Variants in DSCAM observed in about 807,000 individuals in gnomAD.
DSCAM encodes the protein cell adhesion molecule DSCAM.
DSCAM carries 47 observed loss-of-function variants against 217.7 expected under a neutral mutation model. That is an observed-to-expected ratio of 0.22 (90% CI 0.17 to 0.28). DSCAM has a LOEUF of 0.28. DSCAM is among the 10% of genes least tolerant of loss of function. The pLI is 1.00. For synonymous variants in DSCAM, 1,056 were observed against 1,015.3 expected (o/e 1.04, Z -0.76); for missense variants, 2,080 against 2,618.3 (o/e 0.79, Z 4.49).
At chr21:40,130,025 T>A (rs879407103) in intron 19 of DSCAM, among the ~76,000 whole-genome samples, 1 of 152,222 alleles carries the variant, frequency 6.6e-6, no homozygotes, top group Non-Finnish European at 1.5e-5. Flanking sequence ...CTGCTGGCCC[T>A]CTCACATGTA....
At chr21:40,118,383 T>C (rs59480585) in intron 20 of DSCAM, among the ~76,000 whole-genome samples, 34,832 of 152,002 alleles carry the variant, frequency 0.23, 4,247 homozygotes, top group East Asian at 0.4. Context: ...GTCAGAAGTT[T>C]GAGAGCAGCC....
At chr21:40,152,058 C>T (rs986477926) in intron 16 of DSCAM, among the ~76,000 whole-genome samples, 2 of 151,802 alleles carry the variant, frequency 1.3e-5, no homozygotes, top group African/African-American at 4.8e-5. Context: ...GCAAATCTCA[C>T]CTGGTAACCA....
chr21:40,126,304 G>A (rs2146674204), intron 19 of DSCAM, among the ~76,000 whole-genome samples: 1 of 150,834 alleles, frequency 6.6e-6, no homozygotes, highest in East Asian at 1.9e-4. Context: ...AAGGAAGAAG[G>A]GAAGACAAAA....
At chr21:40,749,707 G>T (rs2091208575) in intron 1 of DSCAM, among the ~76,000 whole-genome samples, 1 of 152,168 alleles carries the variant, frequency 6.6e-6, no homozygotes, top group South Asian at 2.1e-4. Context: ...ATATGAGCCA[G>T]CAGTCCCATT....
intron 11 of DSCAM, among the ~76,000 whole-genome samples, chr21:40,222,588 A>T (rs905216751): frequency 6.6e-6 from 1 of 152,252 alleles, no homozygotes; most frequent in Non-Finnish European, 1.5e-5. Flanking sequence ...ACATCACAGT[A>T]GATTGAATGC....
At chr21:40,414,118 T>TA (rs964957229) in intron 3 of DSCAM, among the ~76,000 whole-genome samples, 2 of 152,044 alleles carry the variant, frequency 1.3e-5, no homozygotes, top group African/African-American at 4.8e-5. Flanking sequence ...AAAGAAAAAA[T>TA]ATTTATAAAA....
chr21:40,229,757 G>A (rs1348468814), intron 11 of DSCAM, among the ~76,000 whole-genome samples: 1 of 152,218 alleles, frequency 6.6e-6, no homozygotes, highest in Non-Finnish European at 1.5e-5. Flanking sequence ...TTGAAGCACA[G>A]CTTGATTGGT....
chr21:40,600,241 A>G (rs1184815787), intron 3 of DSCAM, among the ~76,000 whole-genome samples: 2 of 152,240 alleles, frequency 1.3e-5, no homozygotes, highest in African/African-American at 2.4e-5. Flanking sequence ...TGGGTAATTT[A>G]TGAACAACTG....
chr21:40,585,814 G>A (rs144746617), intron 3 of DSCAM, among the ~76,000 whole-genome samples: 2 of 152,202 alleles, frequency 1.3e-5, no homozygotes, highest in East Asian at 3.9e-4. Flanking sequence ...GCCCCTGAGA[G>A]TTGGTTGTTA....
chr21:40,334,788 C>A (rs1041146619), intron 8 of DSCAM, among the ~76,000 whole-genome samples: 3 of 152,138 alleles, frequency 2.0e-5, no homozygotes, highest in Non-Finnish European at 4.4e-5. Flanking sequence ...TCTGGGACTA[C>A]GGGCTCGTCC....
At chr21:40,664,253 C>T (rs1343520215) in intron 3 of DSCAM, among the ~76,000 whole-genome samples, 1 of 152,168 alleles carries the variant, frequency 6.6e-6, no homozygotes, top group Non-Finnish European at 1.5e-5. Context: ...TCTGTATTGG[C>T]ATGGAAGGAG....
chr21:40,483,201 C>T (rs746789272), intron 3 of DSCAM, among the ~76,000 whole-genome samples: 1 of 152,218 alleles, frequency 6.6e-6, no homozygotes, highest in Non-Finnish European at 1.5e-5. Flanking sequence ...ACAAACTCCT[C>T]ATGATCTTGC....
chr21:40,217,484 G>A lies in DSCAM; in HGVS notation c.2357-28246C>T, dbSNP rs564768552. Among the ~76,000 whole-genome samples the A allele has an allele frequency of 3.3e-5, 5 of 152,134 alleles. No homozygotes were observed. In the East Asian group the frequency reaches 9.7e-4, roughly 29 times the overall value. ...ACATAGGTAAACTTGTGTTATGGGG[G>A]TTTGTTGTATAGATTATTTCACTGC... is the stretch of plus-strand genomic sequence containing the variant. On this transcript the variant is annotated intron_variant, in intron 11 of 32. Coordinates refer to ENST00000400454, the MANE Select transcript of DSCAM (RefSeq NM_001389.5).
intron 11 of DSCAM, among the ~76,000 whole-genome samples, chr21:40,241,277 A>G (rs954529349): frequency 1.3e-5 from 2 of 152,208 alleles, no homozygotes; most frequent in African/African-American, 4.8e-5. Context: ...ATAGGAATGT[A>G]AACAAATTTA....
intron 1 of DSCAM, among the ~76,000 whole-genome samples, chr21:40,746,508 TA>T (rs2091176444): frequency 6.6e-6 from 1 of 151,876 alleles, no homozygotes; most frequent in African/African-American, 2.4e-5. Context: ...ATTACAATTG[TA>T]AATATGTATG....
chr21:40,694,665 G>C (rs543624496), intron 2 of DSCAM, among the ~76,000 whole-genome samples: 1 of 151,440 alleles, frequency 6.6e-6, no homozygotes, highest in Non-Finnish European at 1.5e-5. Context: ...ATCCCCAAGC[G>C]GCATGAGGTG....
In DSCAM at chr21:40,730,049, C is replaced by T. The variant is rs574299049; in HGVS notation, c.44-21278G>A. On this transcript the variant is annotated intron_variant, in intron 1 of 32. Coordinates refer to ENST00000400454, the MANE Select transcript of DSCAM (RefSeq NM_001389.5). ...GGCAACTAGACATACCATTAATAAT[C>T]CCAGAACCTATGAAATGTGGCTTGG... 4.6e-5 allele frequency among the ~76,000 whole-genome samples: 7 copies of T among 152,278 alleles called. No individual in the cohort carries two copies. The South Asian group carries it at 1.0e-3, about 23-fold the overall frequency.
chr21:40,707,480 G>A (rs1601152914), intron 2 of DSCAM, among the ~76,000 whole-genome samples: 1 of 152,168 alleles, frequency 6.6e-6, no homozygotes, highest in African/African-American at 2.4e-5. Context: ...ATAGTCTAAT[G>A]TTTGATGGCT....
intron 5 of DSCAM, among the ~76,000 whole-genome samples, chr21:40,348,468 A>T (rs1006156755): frequency 1.3e-5 from 2 of 150,096 alleles, no homozygotes; most frequent in African/African-American, 2.5e-5. Flanking sequence ...CAGCCACATT[A>T]TTGCAATCAT....
Sources: allele counts gnomAD v4.1 joint callset (sites outside exome capture counted in the v4.1 genomes callset), GRCh38; gene constraint gnomAD v4.1.1; transcripts MANE v1.5; gene names NCBI Gene and HGNC (gene_info 2026-07-23, HGNC 2026-07-21).